Variants in SCFD2 observed in about 807,000 individuals in gnomAD.
The protein encoded by SCFD2 is sec1 family domain containing 2.
SCFD2 carries 54 observed loss-of-function variants against 58.9 expected under a neutral mutation model. The observed-to-expected ratio is 0.92, with a 90% CI of 0.74 to 1.15. The LOEUF (loss-of-function observed/expected upper bound fraction) is 1.15. SCFD2 is among the 50% of genes most tolerant of loss of function. SCFD2 has a pLI of 0.00. For missense variants in SCFD2, 805 were observed against 836.6 expected (o/e 0.96, Z 0.47); for synonymous variants, 321 against 335.9 (o/e 0.96, Z 0.49).
chr4:53,209,636 G>C (rs1474541769), intron 4 of SCFD2, among the ~76,000 whole-genome samples: 1 of 152,054 alleles, frequency 6.6e-6, no homozygotes, highest in Non-Finnish European at 1.5e-5. Flanking sequence ...ACTATTGCTA[G>C]ACACTGTGTT....
intron 4 of SCFD2, among the ~76,000 whole-genome samples, chr4:53,201,115 C>T (rs1248028514): frequency 3.3e-5 from 5 of 151,856 alleles, no homozygotes; most frequent in Non-Finnish European, 5.9e-5. Context: ...TGTTGGTGTG[C>T]TGCACCCATT....
chr4:53,353,473 G>A (rs904856297), intron 1 of SCFD2, among the ~76,000 whole-genome samples: 2 of 152,208 alleles, frequency 1.3e-5, no homozygotes, highest in African/African-American at 4.8e-5. Flanking sequence ...TGCCACTGCT[G>A]TCTCGGGCAG....
At chr4:53,180,328 G>C (rs1449673548) in intron 4 of SCFD2, among the ~76,000 whole-genome samples, 1 of 152,112 alleles carries the variant, frequency 6.6e-6, no homozygotes, top group Non-Finnish European at 1.5e-5. Flanking sequence ...AATCAAACTA[G>C]AACTCAGGAT....
Position 52,885,754 on chromosome 4 carries a change from C to T in SCFD2, c.1955G>A (p.Gly652Glu). The stretch of plus-strand genomic sequence containing the variant: ...GCATGGAGGACTCAGTACCTGGGTT[C>T]CTGGCTTCAACGATGCCACAAGATC... ...VKDLVASLKPGTQVIVLSTRL... is the reference protein window; with the variant it reads ...VKDLVASLKPETQVIVLSTRL... Residue 652 changes from glycine to glutamate, a missense_variant, in exon 8 of 9, where the codon GGA becomes GAA. Around this residue, in one of 3 missense-constraint regions of SCFD2, gnomAD observed 633 missense variants for 646.8 expected, o/e 0.98. Transcript: ENST00000401642. The T allele has an allele frequency of 6.2e-7, 1 of 1,613,812 alleles. No homozygotes were observed. Among genetic ancestry groups the T allele is most frequent in the Non-Finnish European group, 8.5e-7 (1 of 1,179,888 alleles).
In SCFD2 at chr4:52,873,762, T is replaced by C; in HGVS notation, c.*207A>G. ...AGACAGACTGTCGCCTTCAGGAAAATAAAAAAACTTTTTTTTTTTTTTTTT... is the reference window on the plus strand; with the variant it reads ...AGACAGACTGTCGCCTTCAGGAAAACAAAAAAACTTTTTTTTTTTTTTTTT... On this transcript the variant is annotated 3_prime_UTR_variant, in exon 9 of 9. Coordinates refer to ENST00000401642, the MANE Select transcript of SCFD2 (RefSeq NM_152540.4). The C allele has an allele frequency of 2.3e-6, 1 of 428,436 alleles. No individual in the cohort carries two copies. The highest frequency in any genetic ancestry group is 4.2e-6 in the Non-Finnish European group (1 of 240,610). 26.5% of individuals were successfully genotyped at this position (428,436 alleles called of 1,614,324 possible).
At chr4:53,272,941 T>C (rs1448912266) in intron 4 of SCFD2, among the ~76,000 whole-genome samples, 4 of 152,218 alleles carry the variant, frequency 2.6e-5, no homozygotes, top group South Asian at 2.1e-4. Flanking sequence ...TTAAAACCCA[T>C]AGCATAAATG....
At chr4:53,110,657 G>A (rs745622022) in intron 5 of SCFD2, among the ~76,000 whole-genome samples, 46 of 152,202 alleles carry the variant, frequency 3.0e-4, no homozygotes, top group Admixed American at 5.9e-4. Flanking sequence ...ATGCCAGTTA[G>A]AATGGCAATC....
chr4:52,878,108 G>A (rs6833096), intron 8 of SCFD2, among the ~76,000 whole-genome samples: 1 of 151,986 alleles, frequency 6.6e-6, no homozygotes, highest in East Asian at 1.9e-4. Flanking sequence ...CACCCCTCCC[G>A]CAAGCCTGAG....
At chr4:53,011,018 G>C (rs1304848869) in intron 5 of SCFD2, among the ~76,000 whole-genome samples, 2 of 152,136 alleles carry the variant, frequency 1.3e-5, no homozygotes, top group Admixed American at 6.5e-5. Flanking sequence ...CCTTGAAAAA[G>C]CATCCAGTTC....
chr4:52,974,418 C>T (rs954866503), intron 5 of SCFD2, among the ~76,000 whole-genome samples: 18 of 152,154 alleles, frequency 1.2e-4, no homozygotes, highest in Admixed American at 1.0e-3. Flanking sequence ...CTCCCATTCA[C>T]AATTGCTTCA....
intron 5 of SCFD2, among the ~76,000 whole-genome samples, chr4:53,117,506 A>G (rs1725357903): frequency 6.6e-6 from 1 of 152,076 alleles, no homozygotes; most frequent in Non-Finnish European, 1.5e-5. Flanking sequence ...GAGGTGATTT[A>G]AAAAAACAAA....
Position 52,879,649 on chromosome 4 carries a change from T to C in SCFD2, c.1963-5588A>G, listed in dbSNP as rs550742770. Reference sequence around the variant, plus strand: ...CTGGAAGGGGGATGTTCGGTCTTTGTTCTCAGGCCTGCCCTGAACTCCACA... The same window carrying C: ...CTGGAAGGGGGATGTTCGGTCTTTGCTCTCAGGCCTGCCCTGAACTCCACA... On this transcript the variant is annotated intron_variant, in intron 8 of 8. Coordinates refer to ENST00000401642, the MANE Select transcript of SCFD2 (RefSeq NM_152540.4). Among the ~76,000 whole-genome samples, 4 of 152,318 alleles carry C rather than the reference T, an allele frequency of 2.6e-5. No individual in the cohort carries two copies. The East Asian group carries it at 7.7e-4, about 29-fold the overall frequency.
chr4:53,105,306 C>G (rs1240540593), intron 5 of SCFD2, among the ~76,000 whole-genome samples: 3 of 149,750 alleles, frequency 2.0e-5, no homozygotes, highest in Middle Eastern at 3.5e-3. Flanking sequence ...TTTTCATACC[C>G]CAGTGGCACC....
intron 6 of SCFD2, among the ~76,000 whole-genome samples, chr4:52,911,877 T>C (rs537740712): frequency 2.0e-5 from 3 of 152,346 alleles, no homozygotes; most frequent in East Asian, 3.9e-4. Context: ...ACTCTGCCGA[T>C]AGGGGGCACT....
At chr4:52,992,532 G>A (rs1271659915) in intron 5 of SCFD2, among the ~76,000 whole-genome samples, 2 of 149,960 alleles carry the variant, frequency 1.3e-5, no homozygotes, top group African/African-American at 4.9e-5. Context: ...CACCCAGTCT[G>A]GCAAGTGAGG....
intron 8 of SCFD2, among the ~76,000 whole-genome samples, chr4:52,878,292 G>C (rs774250026): frequency 1.2e-4 from 18 of 152,172 alleles, no homozygotes; most frequent in African/African-American, 1.9e-4. Context: ...GTGTAGCCAC[G>C]GTCACTGGGA....
In SCFD2 at chr4:53,256,440, C is replaced by T. The variant is rs1412374617; in HGVS notation, c.1311+17386G>A. ...GGCTCCTCACATCCCAGACGATGGG[C>T]GACCAGGCAGAGACGCTCCTCACTT... On this transcript the variant is annotated intron_variant, in intron 4 of 8. Coordinates refer to ENST00000401642, the MANE Select transcript of SCFD2 (RefSeq NM_152540.4). Among the ~76,000 whole-genome samples, 5 of 151,690 alleles carry T rather than the reference C, an allele frequency of 3.3e-5. No homozygotes were observed. In the East Asian group the frequency reaches 7.9e-4, roughly 24 times the overall value.
chr4:53,130,651 CT>C (rs748148374), intron 5 of SCFD2, among the ~76,000 whole-genome samples: 10 of 152,176 alleles, frequency 6.6e-5, no homozygotes, highest in Non-Finnish European at 1.0e-4. Context: ...TCCCATCCCC[CT>C]GGCAAGTGAC....
At chr4:53,241,623 C>T (rs544320435) in intron 4 of SCFD2, among the ~76,000 whole-genome samples, 1 of 152,332 alleles carries the variant, frequency 6.6e-6, no homozygotes, top group Non-Finnish European at 1.5e-5. Context: ...TTTGCTGGCA[C>T]ACACCCTGCA....
Sources: allele counts gnomAD v4.1 joint callset (sites outside exome capture counted in the v4.1 genomes callset), GRCh38; gene constraint gnomAD v4.1.1; regional missense constraint gnomAD v4.1.1; transcripts MANE v1.5; gene names NCBI Gene and HGNC (gene_info 2026-07-23, HGNC 2026-07-21).